TRPC6: variants seen among roughly 807,000 people sequenced by gnomAD.
The protein encoded by TRPC6 is transient receptor potential cation channel subfamily C member 6.
A neutral mutation model predicts 90.7 loss-of-function variants in TRPC6; 55 were observed. That is an observed-to-expected ratio of 0.61 (90% CI 0.49 to 0.76). The LOEUF is 0.76. TRPC6 is among the 30% of genes least tolerant of loss of function. TRPC6 has a pLI of 0.00. For synonymous variants in TRPC6, 393 were observed against 393.0 expected (o/e 1.00, Z 0.00); for missense variants, 989 against 1,122.7 (o/e 0.88, Z 1.70).
At chr11:101,543,591 C>T (rs559357373) in intron 1 of TRPC6, among the ~76,000 whole-genome samples, 1 of 152,028 alleles carries the variant, frequency 6.6e-6, no homozygotes, top group East Asian at 1.9e-4. Context: ...ACATCTGCAA[C>T]CATCTGATCT....
chr11:101,500,824 A>G (rs1860101758), intron 2 of TRPC6, among the ~76,000 whole-genome samples: 1 of 152,156 alleles, frequency 6.6e-6, no homozygotes. Flanking sequence ...GGAAAGATGC[A>G]GCTATTCTGA....
At chr11:101,489,490 T>C (rs1859754666) in intron 3 of TRPC6, among the ~76,000 whole-genome samples, 1 of 152,174 alleles carries the variant, frequency 6.6e-6, no homozygotes, top group Admixed American at 6.5e-5. Context: ...CCACCTTTCC[T>C]GCATTGATCT....
Position 101,528,026 on chromosome 11 carries a change from T to C in TRPC6, c.171-23228A>G, listed in dbSNP as rs1346837670. 2.6e-5 allele frequency among the ~76,000 whole-genome samples: 4 copies of C among 152,134 alleles called. No homozygotes were observed. In the East Asian group the frequency reaches 7.7e-4, roughly 29 times the overall value. On this transcript the variant is annotated intron_variant, in intron 1 of 12. Coordinates refer to ENST00000344327, the MANE Select transcript of TRPC6 (RefSeq NM_004621.6). ...AGGCAGAGGTTGCAATGAGCCGAGA[T>C]CGTGCCACTGCACTCCAGCCTAGGT...
intron 7 of TRPC6, among the ~76,000 whole-genome samples, chr11:101,472,836 CAGGTGGTT>C (rs1859323877): frequency 1.3e-5 from 2 of 152,134 alleles, no homozygotes; most frequent in Non-Finnish European, 2.9e-5. Flanking sequence ...TTGCTTAACT[CAGGTGGTT>C]TCACTTCCCT....
rs2136674075 is a variant in TRPC6, at chr11:101,473,778, G to A, written c.1745-5C>T. 6.2e-7 allele frequency: 1 copy of A among 1,613,454 alleles called. No homozygotes were observed. Among genetic ancestry groups the A allele is most frequent in the Non-Finnish European group, 8.5e-7 (1 of 1,179,594 alleles). ...AGGGGTCCCACTTTATCCTGGCTAG[G>A]AAAAAGCAAAGACAAAGAGTTGTGT... On this transcript the variant is annotated splice_polypyrimidine_tract_variant and splice_region_variant and intron_variant, in intron 6 of 12. Transcript: ENST00000344327.
At chr11:101,526,532 C>A (rs1346156436) in intron 1 of TRPC6, among the ~76,000 whole-genome samples, 1 of 151,832 alleles carries the variant, frequency 6.6e-6, no homozygotes, top group Non-Finnish European at 1.5e-5. Context: ...TATATAAATC[C>A]TTTCCAGAAT....
At chr11:101,467,150 C>T (rs577968964) in intron 10 of TRPC6, among the ~76,000 whole-genome samples, 4 of 152,320 alleles carry the variant, frequency 2.6e-5, no homozygotes, top group African/African-American at 7.2e-5. Flanking sequence ...TGTTCCTATT[C>T]GGCCATCTTG....
rs921037041 is a variant in TRPC6, at chr11:101,583,277, G to A, written c.170+57C>T. ...GACGGACTCGGCCACTCCTGCGAGC[G>A]CACAACCTCCCTCCGCGCAGCCCGC... On this transcript the variant is annotated intron_variant, in intron 1 of 12. Transcript: ENST00000344327. The A allele has an allele frequency of 2.0e-6, 3 of 1,528,386 alleles. No homozygotes were observed. The Admixed American group carries it at 5.8e-5, about 30-fold the overall frequency. 94.7% of individuals were successfully genotyped at this position (1,528,386 alleles called of 1,614,324 possible). A position where few individuals can be genotyped will look rare whatever the true frequency, so the allele number is the denominator to read the frequency against.
chr11:101,490,923 T>C (rs1204794825), intron 3 of TRPC6, among the ~76,000 whole-genome samples: 1 of 152,152 alleles, frequency 6.6e-6, no homozygotes, highest in Non-Finnish European at 1.5e-5. Context: ...AATGGGAAAA[T>C]GGAGTTGAGT....
At chr11:101,454,597 T>C (rs1858842166) in intron 11 of TRPC6, among the ~76,000 whole-genome samples, 1 of 151,528 alleles carries the variant, frequency 6.6e-6, no homozygotes, top group African/African-American at 2.4e-5. Context: ...TTAGCTGATT[T>C]ATATAGTATT....
At chr11:101,516,313 T>G (rs1860520719) in intron 1 of TRPC6, among the ~76,000 whole-genome samples, 1 of 152,146 alleles carries the variant, frequency 6.6e-6, no homozygotes, top group South Asian at 2.1e-4. Flanking sequence ...TTATTTTTTA[T>G]TATTGTGACG....
intron 1 of TRPC6, among the ~76,000 whole-genome samples, chr11:101,530,420 T>TA (rs1353176910): frequency 6.6e-6 from 1 of 151,918 alleles, no homozygotes; most frequent in Non-Finnish European, 1.5e-5. Context: ...TGGCAGGAGA[T>TA]ACGCCCATCT....
At chr11:101,576,563 TATGG>T (rs1290659007) in intron 1 of TRPC6, among the ~76,000 whole-genome samples, 1 of 152,190 alleles carries the variant, frequency 6.6e-6, no homozygotes, top group African/African-American at 2.4e-5. Context: ...AAACTTGGCA[TATGG>T]ATGAACACTT....
chr11:101,583,413 A>G lies in TRPC6; in HGVS notation c.91T>C (p.Tyr31His). 9 of 1,580,174 alleles carry G rather than the reference A, an allele frequency of 5.7e-6. No individual in the cohort carries two copies. The highest frequency in any genetic ancestry group is 7.7e-6 in the Non-Finnish European group (9 of 1,162,908). The change falls in exon 1 of 13, where the codon TAT becomes CAT. Residue 31 changes from tyrosine (Y) to histidine (H), a missense_variant. Tyr to His is a moderately conservative substitution (Grantham distance 83, BLOSUM62 2). Transcript: ENST00000344327. Reference protein sequence around the residue: ...AAARRNESQDYLLMDSELGED... With the variant: ...AAARRNESQDHLLMDSELGED... Reference sequence around the variant, plus strand: ...CCCAGCTCCGAGTCCATGAGCAGATAGTCCTGGCTCTCGTTGCGCCGCGCA... The same window carrying G: ...CCCAGCTCCGAGTCCATGAGCAGATGGTCCTGGCTCTCGTTGCGCCGCGCA...
intron 1 of TRPC6, among the ~76,000 whole-genome samples, chr11:101,556,625 T>C (rs952752077): frequency 1.3e-5 from 2 of 152,122 alleles, no homozygotes; most frequent in Non-Finnish European, 2.9e-5. Context: ...CTACCAGACA[T>C]TTAAAGAAGA....
chr11:101,526,760 AG>A (rs1249285938), intron 1 of TRPC6, among the ~76,000 whole-genome samples: 2 of 146,222 alleles, frequency 1.4e-5, no homozygotes, highest in African/African-American at 5.0e-5. Context: ...GCTACTCGGG[AG>A]GCTGAGGCAG....
At chr11:101,533,857 T>C (rs1435901349) in intron 1 of TRPC6, among the ~76,000 whole-genome samples, 2 of 152,182 alleles carry the variant, frequency 1.3e-5, no homozygotes, top group Non-Finnish European at 2.9e-5. Context: ...GCCAGCTTGT[T>C]TGATGTATTC....
At chr11:101,518,342 A>G (rs1860570748) in intron 1 of TRPC6, among the ~76,000 whole-genome samples, 1 of 152,216 alleles carries the variant, frequency 6.6e-6, no homozygotes, top group African/African-American at 2.4e-5. Context: ...AAACAACCAT[A>G]CAGGAAAAAA....
intron 1 of TRPC6, among the ~76,000 whole-genome samples, chr11:101,533,202 A>AT (rs1860952274): frequency 6.6e-6 from 1 of 152,156 alleles, no homozygotes; most frequent in Admixed American, 6.5e-5. Flanking sequence ...AGACTGGGTA[A>AT]TTTATAAAGA....
Sources: gnomAD v4.1 joint callset for allele counts (sites outside exome capture counted in the v4.1 genomes callset) on GRCh38, gnomAD v4.1.1 for gene constraint, MANE v1.5 for transcripts, NCBI Gene and HGNC (gene_info 2026-07-23, HGNC 2026-07-21) for gene names.